The following MED12L variants were observed in gnomAD, a reference collection of about 807,000 sequenced individuals.
MED12L encodes mediator of RNA polymerase II transcription subunit 12-like protein.
MED12L carries 60 observed loss-of-function variants against 281.3 expected under a neutral mutation model. The observed-to-expected ratio is 0.21, with a 90% CI of 0.17 to 0.26. The LOEUF is 0.26. Among genes scored for constraint, MED12L ranks in the 10% least tolerant of loss-of-function variants. The probability of loss-of-function intolerance (pLI) is 1.00; values close to 1 mark genes in which losing one functional copy is unlikely to be tolerated. For synonymous variants in MED12L, 974 were observed against 987.2 expected (o/e 0.99, Z 0.25); for missense variants, 2,146 against 2,680.9 (o/e 0.80, Z 4.41).
chr3:151,109,199 C>A (rs1377208843), intron 2 of MED12L, among the ~76,000 whole-genome samples: 1 of 152,082 alleles, frequency 6.6e-6, no homozygotes, highest in African/African-American at 2.4e-5. Flanking sequence ...CTACACGCAG[C>A]CACCAGCCAC....
intron 39 of MED12L, among the ~76,000 whole-genome samples, chr3:151,405,534 G>C (rs531709267): frequency 9.3e-4 from 142 of 152,278 alleles, no homozygotes; most frequent in Non-Finnish European, 1.2e-3. Flanking sequence ...CACTTTAGGA[G>C]GCCAAGGTTG....
At chr3:151,299,119 A>G (rs1745512373) in intron 16 of MED12L, among the ~76,000 whole-genome samples, 1 of 152,222 alleles carries the variant, frequency 6.6e-6, no homozygotes, top group Non-Finnish European at 1.5e-5. Flanking sequence ...ATAGAGTCAC[A>G]TTATGAATGA....
chr3:151,345,054 A>G (rs1396141255), intron 16 of MED12L, among the ~76,000 whole-genome samples: 4 of 152,204 alleles, frequency 2.6e-5, no homozygotes, highest in African/African-American at 9.7e-5. Context: ...TAGTACAACA[A>G]GCCTGCCAGG....
intron 33 of MED12L, 56 bp from the exon 34 acceptor site, chr3:151,383,723 G>C (rs1712819850): frequency 1.8e-6 from 2 of 1,098,768 alleles, no homozygotes; most frequent in Non-Finnish European, 2.7e-6. Flanking sequence ...ATAAAGCAAT[G>C]GGGTGTTCTT....
Position 151,368,722 on chromosome 3 carries a change from T to TTCATGTCATG in MED12L, c.3550+475_3550+476insGTCATGTCAT, listed in dbSNP as rs59259466. On this transcript the variant is annotated intron_variant, in intron 25 of 44. Transcript: ENST00000687756. Reference sequence around the variant, plus strand: ...TTCATTTCATTTCATTTCATTTCATTTCATTTCATTTCATTTCATTTCATT... The same window carrying TTCATGTCATG: ...TTCATTTCATTTCATTTCATTTCATTTCATGTCATGTCATTTCATTTCATTTCATTTCATT... Among the ~76,000 whole-genome samples the TTCATGTCATG allele has an allele frequency of 2.2e-3, 178 of 80,006 alleles. 6 individuals carry two copies. In the East Asian group the frequency reaches 0.024, roughly 11 times the overall value. The allele number at this position is 80,006 out of a possible 152,430, so 52.5% of individuals were successfully genotyped here. A position where few individuals can be genotyped will look rare whatever the true frequency, so the allele number is the denominator to read the frequency against.
At position 151,161,170 on chromosome 3, in the gene MED12L, T is replaced by C. The variant is rs1407652818; in HGVS notation, c.1107+1069T>C. The stretch of plus-strand genomic sequence containing the variant: ...ACAGTAGAGGGAAGATTGGTGGGAG[T>C]GGGGAGGTAGGAAAGGAGGCTTGCA... On this transcript the variant is annotated intron_variant, in intron 8 of 44. Coordinates refer to ENST00000687756, the MANE Select transcript of MED12L (RefSeq NM_001393769.1). Among the ~76,000 whole-genome samples, 5 of 152,044 alleles carry C rather than the reference T, an allele frequency of 3.3e-5. No homozygotes were observed. In the East Asian group the frequency reaches 9.7e-4, roughly 29 times the overall value.
intron 16 of MED12L, chr3:151,326,751 A>G (rs1749646619): frequency 6.6e-6 from 1 of 152,240 alleles, no homozygotes; most frequent in African/African-American, 2.4e-5. Flanking sequence ...GCTTCACCCT[A>G]CGATGGTCGT....
rs1714756704 is a variant in MED12L, at chr3:151,127,811, T to C, written c.397-14T>C. ...ACGTGATTATTATAAATATACTATG[T>C]TGTTTCTTTTTAGGTTCCTATCCTT... is the stretch of plus-strand genomic sequence containing the variant. On this transcript the variant is annotated splice_polypyrimidine_tract_variant and intron_variant, in intron 4 of 44. Transcript: ENST00000687756. 6.5e-6 allele frequency: 10 copies of C among 1,545,542 alleles called. No individual in the cohort carries two copies. In the East Asian group the frequency reaches 2.2e-4, roughly 35 times the overall value.
At chr3:151,165,300 A>C in intron 9 of MED12L, 120 bp from the exon 10 acceptor site, 3 of 517,214 alleles carry the variant, frequency 5.8e-6, no homozygotes, top group Non-Finnish European at 9.8e-6. Flanking sequence ...CATTTCTTAC[A>C]ATGCAGTCAA....
chr3:151,329,499 TTC>T, intron 16 of MED12L: 1 of 1,547,672 alleles, frequency 6.5e-7, no homozygotes, highest in Non-Finnish European at 8.7e-7. Context: ...GGATACTCAG[TTC>T]TCTCTGTCTT....
intron 2 of MED12L, among the ~76,000 whole-genome samples, chr3:151,105,830 A>T (rs1721946191): frequency 6.6e-6 from 1 of 152,106 alleles, no homozygotes. Flanking sequence ...TGTGTGTCTG[A>T]TGCCTCAAAC....
chr3:151,384,793 G>A (rs533270258), intron 35 of MED12L: 3 of 435,378 alleles, frequency 6.9e-6, no homozygotes, highest in African/African-American at 4.2e-5. Flanking sequence ...GCACTATGAT[G>A]TTTGTTGTGT....
chr3:151,198,363 CA>C, intron 16 of MED12L: 2 of 778,020 alleles, frequency 2.6e-6, no homozygotes, highest in Non-Finnish European at 3.5e-6. Context: ...TTTTATCTTT[CA>C]AAGCTATAAT....
chr3:151,214,236 C>T lies in MED12L; in HGVS notation c.2250+20570C>T, dbSNP rs115278052. ...CTGCAATGAAGACCATACAGTACAGCACAGGAATGATCTGCTGAGTGATCA... is the reference window on the plus strand; with the variant it reads ...CTGCAATGAAGACCATACAGTACAGTACAGGAATGATCTGCTGAGTGATCA... On this transcript the variant is annotated intron_variant, in intron 16 of 44. Transcript: ENST00000687756. 9.4e-4 allele frequency: 1,519 copies of T among 1,613,950 alleles called. 16 individuals are homozygous for T. In the African/African-American group the frequency reaches 0.018, roughly 19 times the overall value.
chr3:151,360,035 T>C (rs551450593), intron 20 of MED12L, among the ~76,000 whole-genome samples: 3 of 152,304 alleles, frequency 2.0e-5, no homozygotes, highest in African/African-American at 7.2e-5. Context: ...CTTATGCACT[T>C]GAAAATGGGT....
At chr3:151,362,848 A>G (rs1577443963) in intron 21 of MED12L, among the ~76,000 whole-genome samples, 1 of 152,290 alleles carries the variant, frequency 6.6e-6, no homozygotes, top group South Asian at 2.1e-4. Flanking sequence ...GGGTCTTAGG[A>G]AATATCTTTC....
At chr3:151,280,766 A>G (rs1447985231) in intron 16 of MED12L, among the ~76,000 whole-genome samples, 1 of 151,836 alleles carries the variant, frequency 6.6e-6, no homozygotes, top group African/African-American at 2.4e-5. Context: ...TCTCAAATGC[A>G]CATACTCGTA....
intron 5 of MED12L, among the ~76,000 whole-genome samples, chr3:151,128,668 C>T (rs1314805945): frequency 1.3e-5 from 2 of 152,224 alleles, no homozygotes; most frequent in Non-Finnish European, 2.9e-5. Flanking sequence ...AATGTCATTT[C>T]TGCAGGAGGC....
intron 5 of MED12L, among the ~76,000 whole-genome samples, chr3:151,133,077 G>C (rs1488957889): frequency 2.0e-5 from 3 of 152,226 alleles, no homozygotes; most frequent in Admixed American, 6.5e-5. Flanking sequence ...TGACTATCAA[G>C]TGTCATCCTT....
Sources: gnomAD v4.1 joint callset for allele counts (sites outside exome capture counted in the v4.1 genomes callset) on GRCh38, gnomAD v4.1.1 for gene constraint, MANE v1.5 for transcripts, NCBI Gene and HGNC (gene_info 2026-07-23, HGNC 2026-07-21) for gene names.